ANKS1B: variants seen among roughly 807,000 people sequenced by gnomAD.
ANKS1B encodes ankyrin repeat and sterile alpha motif domain-containing protein 1B.
ANKS1B carries 36 observed loss-of-function variants against 148.3 expected under a neutral mutation model. The observed-to-expected ratio is 0.24, with a 90% confidence interval of 0.19 to 0.32. The LOEUF is 0.32. Among genes scored for constraint, ANKS1B ranks in the 10% least tolerant of loss-of-function variants. ANKS1B has a pLI of 1.00. For missense variants in ANKS1B, 1,157 were observed against 1,542.6 expected, an observed-to-expected ratio of 0.75 and a Z score of 4.19; for synonymous variants, 542 against 560.8, an observed-to-expected ratio of 0.97 and a Z score of 0.47.
rs577715024 is a variant in ANKS1B at position 99,139,144 on chromosome 12, G to A, written c.2526+15145C>T. On this transcript the variant is annotated intron_variant, in intron 15 of 26. Coordinates refer to ENST00000683438, the MANE Select transcript of ANKS1B (RefSeq NM_001352186.2). ...AGCCTCTCAAGCTGCTGGGACTATA[G>A]GCCACCATGCCCAGCTAATCAATCT... Among the ~76,000 whole-genome samples, 485 of 151,228 alleles carry A rather than the reference G, an allele frequency of 3.2e-3. 13 individuals are homozygous for A. The South Asian group carries it at 0.051, about 16-fold the overall frequency.
In ANKS1B at chr12:98,745,061, C is replaced by T. The variant is rs2097851475; in HGVS notation, c.*678G>A. ...TAATAAAAATATTTAATACAAGACA[C>T]ATTTTGCTGTGCATAATAAATTCCT... is the stretch of plus-strand genomic sequence containing the variant. On this transcript the variant is annotated 3_prime_UTR_variant, in exon 27 of 27. Transcript: ENST00000683438. The T allele has an allele frequency of 2.0e-6, 2 of 985,236 alleles. No homozygotes were observed. The highest frequency in any genetic ancestry group is 1.2e-6 in the Non-Finnish European group (1 of 829,460). 61.0% of individuals were successfully genotyped at this position (985,236 alleles called of 1,614,324 possible).
At chr12:99,373,920 A>G (rs1291113228) in intron 12 of ANKS1B, among the ~76,000 whole-genome samples, 2 of 152,198 alleles carry the variant, frequency 1.3e-5, no homozygotes, top group Non-Finnish European at 2.9e-5. Context: ...AAGGAAACTA[A>G]GCCAGAATGT....
At chr12:98,988,781 A>G (rs1375645450) in intron 17 of ANKS1B, among the ~76,000 whole-genome samples, 3 of 152,068 alleles carry the variant, frequency 2.0e-5, no homozygotes, top group Non-Finnish European at 4.4e-5. Flanking sequence ...TGTCTTTTTG[A>G]TAATAGCCAT....
chr12:99,029,740 A>T (rs2099950866), intron 17 of ANKS1B, among the ~76,000 whole-genome samples: 1 of 152,262 alleles, frequency 6.6e-6, no homozygotes, highest in African/African-American at 2.4e-5. Flanking sequence ...TTTACACGTG[A>T]CGTAAAGAAG....
chr12:99,152,653 C>A (rs535973132), intron 15 of ANKS1B, among the ~76,000 whole-genome samples: 1 of 152,212 alleles, frequency 6.6e-6, no homozygotes, highest in African/African-American at 2.4e-5. Flanking sequence ...TAAAGTCTTT[C>A]AGCTTGGCCA....
intron 1 of ANKS1B, among the ~76,000 whole-genome samples, chr12:99,926,541 C>T (rs2094481081): frequency 6.6e-6 from 1 of 152,238 alleles, no homozygotes; most frequent in South Asian, 2.1e-4. Context: ...CTTCCTGGGT[C>T]TCAGGCCTGC....
chr12:99,969,120 T>C (rs1006438410), intron 1 of ANKS1B, among the ~76,000 whole-genome samples: 3 of 152,228 alleles, frequency 2.0e-5, no homozygotes, highest in African/African-American at 2.4e-5. Flanking sequence ...TTGAAGACAA[T>C]AGAAGTTAGA....
intron 8 of ANKS1B, among the ~76,000 whole-genome samples, chr12:99,674,231 T>C (rs1407879868): frequency 1.3e-5 from 2 of 151,846 alleles, no homozygotes; most frequent in Non-Finnish European, 3.0e-5. Flanking sequence ...TTGGGGATTA[T>C]AATAATTTAT....
intron 25 of ANKS1B, among the ~76,000 whole-genome samples, chr12:98,764,186 A>T (rs896582196): frequency 1.3e-5 from 2 of 152,196 alleles, no homozygotes; most frequent in South Asian, 4.1e-4. Context: ...CCTGCTCCTC[A>T]AAAGAAAAAG....
At chr12:98,765,352 C>T (rs1235758425) in intron 25 of ANKS1B, among the ~76,000 whole-genome samples, 2 of 150,984 alleles carry the variant, frequency 1.3e-5, no homozygotes, top group East Asian at 3.9e-4. Flanking sequence ...GCAACCTCTG[C>T]CTCCTGGTTC....
chr12:99,442,695 G>GA (rs2095569416), intron 11 of ANKS1B, among the ~76,000 whole-genome samples: 1 of 151,872 alleles, frequency 6.6e-6, no homozygotes, highest in Admixed American at 6.6e-5. Flanking sequence ...TTTTATCAAT[G>GA]AGGATGAAGA....
At chr12:99,779,829 T>G in intron 6 of ANKS1B, 42 bp downstream of exon 6, 1 of 1,470,978 alleles carries the variant, frequency 6.8e-7, no homozygotes, top group Non-Finnish European at 9.5e-7. Context: ...TAATCTCATC[T>G]TAACTTTAAG....
intron 14 of ANKS1B, among the ~76,000 whole-genome samples, chr12:99,238,254 C>T (rs2153960187): frequency 6.6e-6 from 1 of 152,372 alleles, no homozygotes; most frequent in African/African-American, 2.4e-5. Flanking sequence ...CCTTCCCTTG[C>T]CTGGCTTGGT....
intron 15 of ANKS1B, among the ~76,000 whole-genome samples, chr12:99,142,054 T>A (rs909708382): frequency 6.6e-6 from 1 of 151,922 alleles, no homozygotes; most frequent in East Asian, 1.9e-4. Flanking sequence ...TTCTGTTGAG[T>A]ATCGGTGAAG....
chr12:99,649,255 C>A, intron 9 of ANKS1B: 1 of 1,508,606 alleles, frequency 6.6e-7, no homozygotes, highest in South Asian at 1.1e-5. Flanking sequence ...TCTTGCTGGT[C>A]TCACTGTCTT....
intron 12 of ANKS1B, among the ~76,000 whole-genome samples, chr12:99,258,535 A>G (rs1282935250): frequency 6.6e-6 from 1 of 151,672 alleles, no homozygotes; most frequent in Non-Finnish European, 1.5e-5. Context: ...AATAATATAT[A>G]CTGTCAACTT....
intron 9 of ANKS1B, among the ~76,000 whole-genome samples, chr12:99,531,206 A>C (rs959164037): frequency 1.3e-5 from 2 of 152,228 alleles, no homozygotes; most frequent in Non-Finnish European, 2.9e-5. Flanking sequence ...ATCTCATGAC[A>C]CATTAGCTTT....
intron 10 of ANKS1B, among the ~76,000 whole-genome samples, chr12:99,500,911 C>G (rs1041842765): frequency 6.6e-6 from 1 of 152,104 alleles, no homozygotes; most frequent in African/African-American, 2.4e-5. Flanking sequence ...CTCAGCTTCT[C>G]TTTCATATTT....
intron 14 of ANKS1B, among the ~76,000 whole-genome samples, chr12:99,184,410 A>T (rs1442139483): frequency 1.3e-5 from 2 of 152,210 alleles, no homozygotes; most frequent in African/African-American, 4.8e-5. Flanking sequence ...GGGTTCAAGC[A>T]TAGAACATGT....
Sources: gnomAD v4.1 joint callset for allele counts (sites outside exome capture counted in the v4.1 genomes callset) on GRCh38, gnomAD v4.1.1 for gene constraint, MANE v1.5 for transcripts, NCBI Gene and HGNC (gene_info 2026-07-23, HGNC 2026-07-21) for gene names.